The following ARHGAP15 variants were observed in gnomAD, a reference collection of about 807,000 sequenced individuals.
ARHGAP15 encodes the protein rho GTPase-activating protein 15.
In ARHGAP15, 51 loss-of-function variants were observed where a neutral mutation model predicts 63.7. The observed-to-expected ratio is 0.80, with a 90% CI of 0.64 to 1.01. The LOEUF (loss-of-function observed/expected upper bound fraction) is 1.01. Ranked by LOEUF, ARHGAP15 falls within the 50% of genes least tolerant of loss-of-function variation. The pLI is 0.00. For synonymous variants in ARHGAP15, 191 were observed against 193.8 expected (o/e 0.99, Z 0.12); for missense variants, 560 against 564.6 (o/e 0.99, Z 0.08).
intron 9 of ARHGAP15, among the ~76,000 whole-genome samples, chr2:143,497,380 T>A (rs1692862023): frequency 2.0e-5 from 3 of 152,164 alleles, no homozygotes; most frequent in Admixed American, 1.3e-4. Context: ...ACATCCTAAA[T>A]CTTTCCTCTG....
intron 13 of ARHGAP15, among the ~76,000 whole-genome samples, chr2:143,732,930 T>TTTTTTTA (rs397771751): frequency 6.8e-6 from 1 of 146,322 alleles, no homozygotes; most frequent in African/African-American, 2.6e-5. Flanking sequence ...TTTTTTTTTT[T>TTTTTTTA]GAGCACACCA....
At chr2:143,525,355 C>CAAAAAAAAAAA (rs11291093) in intron 10 of ARHGAP15, among the ~76,000 whole-genome samples, 1 of 139,480 alleles carries the variant, frequency 7.2e-6, no homozygotes. Context: ...TTACATGCTC[C>CAAAAAAAAAAA]AAAAAAAAAA....
At chr2:143,420,373 CAGA>C (rs1340451785) in intron 6 of ARHGAP15, among the ~76,000 whole-genome samples, 4 of 152,120 alleles carry the variant, frequency 2.6e-5, no homozygotes, top group African/African-American at 7.2e-5. Flanking sequence ...GAAGGCAGCA[CAGA>C]AGAATTGAGA....
intron 13 of ARHGAP15, among the ~76,000 whole-genome samples, chr2:143,748,734 G>A (rs748459418): frequency 2.0e-5 from 3 of 152,110 alleles, no homozygotes; most frequent in South Asian, 2.1e-4. Context: ...GAGTTGTAGC[G>A]GCCGTGAATG....
chr2:143,435,503 A>C, intron 6 of ARHGAP15, 98 bp from the exon 7 acceptor site: 1 of 1,360,806 alleles, frequency 7.3e-7, no homozygotes. Flanking sequence ...TCATTTTATT[A>C]AACTGTGTTT....
intron 5 of ARHGAP15, among the ~76,000 whole-genome samples, chr2:143,239,347 G>A (rs983964167): frequency 6.6e-6 from 1 of 152,016 alleles, no homozygotes; most frequent in Non-Finnish European, 1.5e-5. Flanking sequence ...AAGTATATAG[G>A]ATGTTATTAA....
chr2:143,397,316 A>ATGTGTGTGTGTG (rs71411383), intron 6 of ARHGAP15, among the ~76,000 whole-genome samples: 2,685 of 147,494 alleles, frequency 0.018, 90 homozygotes, highest in African/African-American at 0.065. Flanking sequence ...TGAGATATGT[A>ATGTGTGTGTGTG]TGTGTGTGTG....
chr2:143,415,632 C>T (rs899312708), intron 6 of ARHGAP15, among the ~76,000 whole-genome samples: 1 of 152,058 alleles, frequency 6.6e-6, no homozygotes, highest in Non-Finnish European at 1.5e-5. Context: ...TAAAAGAATG[C>T]TGGTGAAAGG....
chr2:143,395,275 G>A (rs1687709633), intron 6 of ARHGAP15, among the ~76,000 whole-genome samples: 2 of 152,086 alleles, frequency 1.3e-5, no homozygotes, highest in Non-Finnish European at 2.9e-5. Context: ...CAACAAGCAA[G>A]GAGGTGAGAG....
At chr2:143,467,242 C>CTT (rs202115707) in intron 8 of ARHGAP15, among the ~76,000 whole-genome samples, 4,739 of 57,666 alleles carry the variant, frequency 0.082, 258 homozygotes, top group African/African-American at 0.15. Context: ...ACTCCATGGC[C>CTT]TTTTTTTTTT....
chr2:143,444,931 A>G (rs1690061441), intron 8 of ARHGAP15, among the ~76,000 whole-genome samples: 1 of 152,146 alleles, frequency 6.6e-6, no homozygotes, highest in Admixed American at 6.6e-5. Flanking sequence ...ATCTGCCAAT[A>G]CATCTTTCTT....
intron 2 of ARHGAP15, among the ~76,000 whole-genome samples, chr2:143,190,611 G>T (rs1434045544): frequency 6.6e-6 from 1 of 152,118 alleles, no homozygotes; most frequent in Non-Finnish European, 1.5e-5. Context: ...TCTCATGAAG[G>T]TCTGGGAGCC....
intron 12 of ARHGAP15, among the ~76,000 whole-genome samples, chr2:143,629,793 A>C (rs1392002442): frequency 6.6e-6 from 1 of 152,206 alleles, no homozygotes; most frequent in Non-Finnish European, 1.5e-5. Flanking sequence ...GATCATCTGC[A>C]CAATAATTTC....
At chr2:143,298,679 A>G (rs12328672) in intron 6 of ARHGAP15, among the ~76,000 whole-genome samples, 22,648 of 151,902 alleles carry the variant, frequency 0.15, 1,942 homozygotes, top group African/African-American at 0.24. Context: ...TAAAATCCAC[A>G]TGCATGGTTT....
chr2:143,335,322 C>G (rs976203838), intron 6 of ARHGAP15, among the ~76,000 whole-genome samples: 2 of 152,184 alleles, frequency 1.3e-5, no homozygotes, highest in African/African-American at 4.8e-5. Flanking sequence ...CAGTATATTT[C>G]ACAATAATGG....
chr2:143,372,435 T>C (rs2104917738), intron 6 of ARHGAP15, among the ~76,000 whole-genome samples: 1 of 151,196 alleles, frequency 6.6e-6, no homozygotes, highest in Middle Eastern at 3.4e-3. Context: ...TCTACTCATG[T>C]ACATGTGACT....
intron 4 of ARHGAP15, among the ~76,000 whole-genome samples, chr2:143,223,993 A>G (rs546271792): frequency 1.6e-4 from 25 of 152,138 alleles, no homozygotes; most frequent in Non-Finnish European, 3.5e-4. Context: ...GGAATGTCTT[A>G]TTTTCCATCT....
chr2:143,551,893 T>C (rs968715914), intron 10 of ARHGAP15, among the ~76,000 whole-genome samples: 2 of 152,228 alleles, frequency 1.3e-5, no homozygotes, highest in South Asian at 4.1e-4. Flanking sequence ...AGCAAGAAAA[T>C]GTTGGAAACA....
At chr2:143,446,442 G>A (rs1047037478) in intron 8 of ARHGAP15, among the ~76,000 whole-genome samples, 13 of 151,986 alleles carry the variant, frequency 8.6e-5, no homozygotes, top group Non-Finnish European at 1.6e-4. Context: ...ATTTTTTGAA[G>A]GCTTAATTTC....
Sources: gnomAD v4.1 joint callset for allele counts (sites outside exome capture counted in the v4.1 genomes callset) on GRCh38, gnomAD v4.1.1 for gene constraint, MANE v1.5 for transcripts, NCBI Gene and HGNC (gene_info 2026-07-23, HGNC 2026-07-21) for gene names.